Variants in AFAP1 observed in about 807,000 individuals in gnomAD.
AFAP1 encodes the protein actin filament associated protein 1, also known as actin filament-associated protein 1.
A neutral mutation model predicts 93.9 loss-of-function variants in AFAP1; 75 were observed. The ratio of observed to expected loss-of-function variants is 0.80; its 90% CI spans 0.66 to 0.97. The LOEUF (loss-of-function observed/expected upper bound fraction) is 0.97. Ranked by LOEUF, AFAP1 falls within the 50% of genes least tolerant of loss-of-function variation. The probability of loss-of-function intolerance (pLI) is 0.00; values close to 1 mark genes in which losing one functional copy is unlikely to be tolerated. For missense variants in AFAP1, 1,201 were observed against 1,050.8 expected, an observed-to-expected ratio of 1.14 and a Z score of -1.98; for synonymous variants, 517 against 430.7, an observed-to-expected ratio of 1.20 and a Z score of -2.48.
chr4:7,879,247 A>G (rs116146064), intron 1 of AFAP1, among the ~76,000 whole-genome samples: 1 of 152,316 alleles, frequency 6.6e-6, no homozygotes, highest in Non-Finnish European at 1.5e-5. Context: ...TCACATTCCA[A>G]TATCCAAAAT....
chr4:7,775,080 G>T, intron 14 of AFAP1, 177 bp from the exon 15 acceptor site: 1 of 702,250 alleles, frequency 1.4e-6, no homozygotes. Flanking sequence ...GCTTGAGGCT[G>T]CAGTGAGCTG....
rs115220142 is a variant in AFAP1 at position 7,797,141 on chromosome 4, A to G, written c.1266+3301T>C. On this transcript the variant is annotated intron_variant, in intron 10 of 17. Transcript: ENST00000420658. Reference sequence around the variant, plus strand: ...TAAACAAACGAATAATTAAATGGGAATAAAGGAAAATGGTCTCGCAGTCGA... The same window carrying G: ...TAAACAAACGAATAATTAAATGGGAGTAAAGGAAAATGGTCTCGCAGTCGA... Among the ~76,000 whole-genome samples the G allele has an allele frequency of 8.0e-3, 1,212 of 152,310 alleles. 15 individuals carry two copies. The highest frequency in any genetic ancestry group is 0.028 in the African/African-American group (1,159 of 41,564).
intron 1 of AFAP1, among the ~76,000 whole-genome samples, chr4:7,899,631 C>G (rs1718999352): frequency 6.6e-6 from 1 of 152,280 alleles, no homozygotes. Context: ...TCTCTTCCAT[C>G]CCCAGGGCTA....
chr4:7,781,266 C>A (rs1716740929), intron 13 of AFAP1, 110 bp downstream of exon 13: 7 of 1,314,534 alleles, frequency 5.3e-6, no homozygotes, highest in African/African-American at 1.5e-5. Context: ...AAAAAAAAAA[C>A]ACATTATGCT....
rs115632246 is a variant in AFAP1, at chr4:7,870,037, G to A, written c.128-1318C>T. ...AAGCAAGTGGTCATCAATACCTGAC[G>A]TGTTTACTATGCATCAGGCACTGTT... is the stretch of plus-strand genomic sequence containing the variant. On this transcript the variant is annotated intron_variant, in intron 2 of 17. Coordinates refer to ENST00000420658, the MANE Select transcript of AFAP1 (RefSeq NM_001134647.2). Among the ~76,000 whole-genome samples, 884 of 152,242 alleles carry A rather than the reference G, an allele frequency of 5.8e-3. 7 individuals are homozygous for A. The highest frequency in any genetic ancestry group is 0.019 in the African/African-American group (778 of 41,530).
intron 5 of AFAP1, among the ~76,000 whole-genome samples, chr4:7,842,426 A>G (rs189233546): frequency 2.0e-4 from 30 of 152,148 alleles, no homozygotes; most frequent in African/African-American, 6.5e-4. Flanking sequence ...CCCAAGGTTA[A>G]TCTGAAGGAA....
chr4:7,834,363 G>C, intron 6 of AFAP1, among the ~76,000 whole-genome samples: 1 of 152,196 alleles, frequency 6.6e-6, no homozygotes, highest in East Asian at 1.9e-4. Flanking sequence ...CAGGGAAAAA[G>C]GGTGGGAAGG....
intron 17 of AFAP1, among the ~76,000 whole-genome samples, chr4:7,766,772 G>A (rs994361774): frequency 1.1e-4 from 17 of 152,272 alleles, no homozygotes; most frequent in African/African-American, 4.1e-4. Flanking sequence ...CACACGGCCT[G>A]CCCAGATGAA....
At chr4:7,854,552 A>C (rs1215197800) in intron 4 of AFAP1, among the ~76,000 whole-genome samples, 1 of 152,196 alleles carries the variant, frequency 6.6e-6, no homozygotes, top group Non-Finnish European at 1.5e-5. Flanking sequence ...AAAGATCTGA[A>C]ATGCAAAGTC....
chr4:7,830,625 T>C (rs1354423282), intron 6 of AFAP1, among the ~76,000 whole-genome samples: 2 of 151,762 alleles, frequency 1.3e-5, no homozygotes, highest in Non-Finnish European at 2.9e-5. Flanking sequence ...TATTTATCTT[T>C]AGAGACAAGG....
At chr4:7,837,738 G>T (rs1374136843) in intron 6 of AFAP1, among the ~76,000 whole-genome samples, 22 of 152,202 alleles carry the variant, frequency 1.4e-4, no homozygotes, top group Admixed American at 1.4e-3. Context: ...AATGGTTAGG[G>T]CTGGACACGA....
intron 8 of AFAP1, 130 bp downstream of exon 8, chr4:7,815,888 T>G: frequency 1.4e-6 from 1 of 732,668 alleles, no homozygotes; most frequent in Non-Finnish European, 2.2e-6. Context: ...TCTGCCATGA[T>G]GACGATATCT....
At chr4:7,922,310 GTAAT>G (rs1233612018) in intron 1 of AFAP1, among the ~76,000 whole-genome samples, 5 of 152,168 alleles carry the variant, frequency 3.3e-5, no homozygotes, top group Non-Finnish European at 5.9e-5. Context: ...GGACTGCTGT[GTAAT>G]TAAAGGACAA....
chr4:7,855,612 G>T, intron 3 of AFAP1, 38 bp from the exon 4 acceptor site: 1 of 1,484,498 alleles, frequency 6.7e-7, no homozygotes, highest in South Asian at 1.1e-5. Context: ...AAATTAGCAT[G>T]ACCATTAGAA....
chr4:7,781,997 G>A (rs1206493898), intron 12 of AFAP1, among the ~76,000 whole-genome samples: 2 of 152,170 alleles, frequency 1.3e-5, no homozygotes, highest in Non-Finnish European at 2.9e-5. Flanking sequence ...TAGAGAACCT[G>A]GGGTTCAGAA....
intron 4 of AFAP1, among the ~76,000 whole-genome samples, chr4:7,845,524 G>A (rs1485726302): frequency 6.6e-6 from 1 of 152,112 alleles, no homozygotes; most frequent in Non-Finnish European, 1.5e-5. Flanking sequence ...AAGAAGGGAC[G>A]AGGTAAGAGA....
chr4:7,788,137 C>T (rs1227942779), intron 11 of AFAP1, among the ~76,000 whole-genome samples: 1 of 152,226 alleles, frequency 6.6e-6, no homozygotes, highest in East Asian at 1.9e-4. Flanking sequence ...TGCCTAGAGC[C>T]TCGGCCGGGT....
chr4:7,868,515 T>A, intron 3 of AFAP1, 107 bp downstream of exon 3: 1 of 927,658 alleles, frequency 1.1e-6, no homozygotes, highest in South Asian at 1.7e-5. Context: ...TCGAGACAAA[T>A]AAGGGCTCCA....
chr4:7,923,964 C>G (rs557063460), intron 1 of AFAP1, among the ~76,000 whole-genome samples: 14 of 152,278 alleles, frequency 9.2e-5, no homozygotes, highest in African/African-American at 3.1e-4. Flanking sequence ...AACAAACAAC[C>G]AAATGAGCAG....
Sources: allele counts gnomAD v4.1 joint callset (sites outside exome capture counted in the v4.1 genomes callset), GRCh38; gene constraint gnomAD v4.1.1; transcripts MANE v1.5; gene names NCBI Gene and HGNC (gene_info 2026-07-23, HGNC 2026-07-21).